The following TSPAN9 variants were observed in gnomAD, a reference collection of about 807,000 sequenced individuals.
TSPAN9 encodes tetraspanin-9.
In TSPAN9, 16 loss-of-function variants were observed where a neutral mutation model predicts 31.0. The observed-to-expected ratio is 0.52, with a 90% CI of 0.35 to 0.78. The LOEUF (loss-of-function observed/expected upper bound fraction) is 0.78. Ranked by LOEUF, TSPAN9 falls within the 30% of genes least tolerant of loss-of-function variation. TSPAN9 has a pLI of 0.01. For missense variants in TSPAN9, 272 were observed against 312.5 expected, an observed-to-expected ratio of 0.87 and a Z score of 0.98; for synonymous variants, 145 against 121.6, an observed-to-expected ratio of 1.19 and a Z score of -1.27.
At chr12:3,249,053 A>G (rs574591116) in intron 3 of TSPAN9, among the ~76,000 whole-genome samples, 3 of 152,226 alleles carry the variant, frequency 2.0e-5, no homozygotes, top group Admixed American at 2.0e-4. Flanking sequence ...TTGTTCCCTG[A>G]TCTCCCTGTC....
intron 2 of TSPAN9, among the ~76,000 whole-genome samples, chr12:3,165,510 G>T (rs993032054): frequency 5.3e-5 from 8 of 152,312 alleles, no homozygotes; most frequent in African/African-American, 1.7e-4. Flanking sequence ...GGGGAGTCCA[G>T]AAGTATTTAA....
chr12:3,175,156 G>A (rs2153970668), intron 2 of TSPAN9, among the ~76,000 whole-genome samples: 1 of 152,260 alleles, frequency 6.6e-6, no homozygotes, highest in South Asian at 2.1e-4. Context: ...TGTCCTGCAG[G>A]ACCTAGGAGC....
chr12:3,201,119 C>T lies in TSPAN9; in HGVS notation c.-17-58C>T, dbSNP rs999370990. On this transcript the variant is annotated intron_variant, in intron 2 of 8. Coordinates refer to ENST00000011898, the MANE Select transcript of TSPAN9 (RefSeq NM_006675.5). ...CGTTAAGACCGACAAGTGCAATGCACCCAAAGGCAGCAAGTACGTGGTGTT... is the reference window on the plus strand; with the variant it reads ...CGTTAAGACCGACAAGTGCAATGCATCCAAAGGCAGCAAGTACGTGGTGTT... The T allele has an allele frequency of 6.7e-6, 10 of 1,487,598 alleles. 1 individual carries two copies. The Admixed American group carries it at 8.4e-5, about 12-fold the overall frequency. 92.1% of individuals were successfully genotyped at this position (1,487,598 alleles called of 1,614,324 possible).
At chr12:3,081,844 G>GTATATATATATATATATA (rs57307487) in intron 1 of TSPAN9, among the ~76,000 whole-genome samples, 4,547 of 116,630 alleles carry the variant, frequency 0.039, 199 homozygotes, top group East Asian at 0.057. Context: ...GTCTGTGTGT[G>GTATATATATATATATATA]TATATATATG....
chr12:3,199,404 T>C (rs1374167005), intron 2 of TSPAN9, among the ~76,000 whole-genome samples: 1 of 152,164 alleles, frequency 6.6e-6, no homozygotes, highest in Non-Finnish European at 1.5e-5. Context: ...TTGCAAAGTG[T>C]GGTGTCCCGG....
intron 3 of TSPAN9, among the ~76,000 whole-genome samples, chr12:3,221,166 C>T (rs1308617500): frequency 6.6e-6 from 1 of 152,076 alleles, no homozygotes; most frequent in Non-Finnish European, 1.5e-5. Context: ...GTTGGGACCA[C>T]ACTCTAGGTT....
At chr12:3,156,303 T>G (rs2098342243) in intron 2 of TSPAN9, among the ~76,000 whole-genome samples, 2 of 152,098 alleles carry the variant, frequency 1.3e-5, no homozygotes, top group Admixed American at 1.3e-4. Flanking sequence ...TGCCTTCCAG[T>G]GCTGGGCCTT....
In TSPAN9 at chr12:3,220,145, C is replaced by CAAAAAAAAAAAAAAAAA. The variant is rs55735802; in HGVS notation, c.63+18903_63+18904insAAAAAAAAAAAAAAAAA. ...GGGTGACAAGAGCGAAACTCTGTCT[C>CAAAAAAAAAAAAAAAAA]AAAAAAAAAAAAAAGGAATGAATCT... is the stretch of plus-strand genomic sequence containing the variant. On this transcript the variant is annotated intron_variant, in intron 3 of 8. Transcript: ENST00000011898. Among the ~76,000 whole-genome samples the CAAAAAAAAAAAAAAAAA allele has an allele frequency of 1.5e-4, 20 of 137,362 alleles. 1 individual carries two copies. The highest frequency in any genetic ancestry group is 4.9e-4 in the African/African-American group (17 of 34,890). 90.1% of individuals were successfully genotyped at this position (137,362 alleles called of 152,430 possible).
intron 2 of TSPAN9, among the ~76,000 whole-genome samples, chr12:3,109,160 T>A (rs1232797981): frequency 2.0e-5 from 3 of 151,822 alleles, no homozygotes; most frequent in South Asian, 2.1e-4. Flanking sequence ...ATGGTCTCGA[T>A]CTCCTGACCT....
intron 3 of TSPAN9, among the ~76,000 whole-genome samples, chr12:3,238,596 G>A (rs1205384958): frequency 1.3e-5 from 2 of 152,158 alleles, no homozygotes; most frequent in African/African-American, 2.4e-5. Context: ...CTGAGAGTTG[G>A]GGCTTGTTGG....
intron 3 of TSPAN9, among the ~76,000 whole-genome samples, chr12:3,251,706 C>A (rs1449962153): frequency 6.6e-6 from 1 of 152,306 alleles, no homozygotes; most frequent in South Asian, 2.1e-4. Flanking sequence ...GTTCCAGCAC[C>A]TCTGGCTGCC....
rs146111286 is a variant in TSPAN9 at position 3,121,730 on chromosome 12, C to T, written c.-18+38011C>T. On this transcript the variant is annotated intron_variant, in intron 2 of 8. Transcript: ENST00000011898. ...CTAGTTACACTGAGCCTGTGCTGCC[C>T]GGTGGCAACAATTGGCTGGATCTGG... Among the ~76,000 whole-genome samples the T allele has an allele frequency of 2.6e-4, 39 of 152,052 alleles. No individual in the cohort carries two copies. In the East Asian group the frequency reaches 6.0e-3, roughly 23 times the overall value.
chr12:3,194,995 T>C (rs1013322737), intron 2 of TSPAN9, among the ~76,000 whole-genome samples: 3 of 152,170 alleles, frequency 2.0e-5, no homozygotes, highest in Non-Finnish European at 2.9e-5. Context: ...AGTTTAAAAA[T>C]TGGGGGGAGG....
intron 3 of TSPAN9, among the ~76,000 whole-genome samples, chr12:3,266,403 G>A (rs758864912): frequency 4.6e-5 from 7 of 152,284 alleles, no homozygotes; most frequent in Non-Finnish European, 7.4e-5. Context: ...ACTGGTGCAC[G>A]ATCGGCACTC....
At chr12:3,255,405 C>T (rs1284080613) in intron 3 of TSPAN9, among the ~76,000 whole-genome samples, 2 of 152,204 alleles carry the variant, frequency 1.3e-5, no homozygotes, top group Non-Finnish European at 2.9e-5. Flanking sequence ...ATGGGAGCAG[C>T]GATCAGGGCA....
chr12:3,203,170 G>A (rs1386647436), intron 3 of TSPAN9, among the ~76,000 whole-genome samples: 2 of 151,880 alleles, frequency 1.3e-5, no homozygotes, highest in African/African-American at 4.8e-5. Flanking sequence ...CCACCTGCTG[G>A]CCGGAGTTGG....
chr12:3,268,613 T>C (rs1400120336), intron 3 of TSPAN9, among the ~76,000 whole-genome samples: 6 of 112,782 alleles, frequency 5.3e-5, no homozygotes, highest in African/African-American at 1.8e-4. Context: ...GCCCTCCCTG[T>C]GTTCCTGCAG....
intron 1 of TSPAN9, among the ~76,000 whole-genome samples, chr12:3,082,858 T>G (rs7965378): frequency 4.6e-5 from 7 of 152,290 alleles, no homozygotes; most frequent in Middle Eastern, 3.4e-3. Flanking sequence ...TGGATTCTAA[T>G]TCCCTCTGAT....
intron 2 of TSPAN9, among the ~76,000 whole-genome samples, chr12:3,153,056 C>T (rs998765099): frequency 2.6e-5 from 4 of 152,164 alleles, no homozygotes; most frequent in Non-Finnish European, 2.9e-5. Context: ...CACGCCTGCG[C>T]GTGTGTGGGG....
Sources: gnomAD v4.1 joint callset for allele counts (sites outside exome capture counted in the v4.1 genomes callset) on GRCh38, gnomAD v4.1.1 for gene constraint, MANE v1.5 for transcripts, NCBI Gene and HGNC (gene_info 2026-07-23, HGNC 2026-07-21) for gene names.